The following ANKRD55 variants were observed in gnomAD, a reference collection of about 807,000 sequenced individuals.
ANKRD55 encodes the protein ankyrin repeat domain 55, also known as ankyrin repeat domain-containing protein 55.
In ANKRD55, 41 loss-of-function variants were observed where a neutral mutation model predicts 60.6. The ratio of observed to expected loss-of-function variants is 0.68; its 90% CI spans 0.53 to 0.88. The LOEUF (loss-of-function observed/expected upper bound fraction) is 0.88. Ranked by LOEUF, ANKRD55 falls within the 40% of genes least tolerant of loss-of-function variation. The pLI, the probability that ANKRD55 is intolerant of heterozygous loss-of-function variation, is 0.00. For missense variants in ANKRD55, 732 were observed against 767.6 expected (o/e 0.95, Z 0.55); for synonymous variants, 264 against 290.3 (o/e 0.91, Z 0.92).
At chr5:56,196,093 G>A (rs182239827) in intron 2 of ANKRD55, among the ~76,000 whole-genome samples, 154 of 152,166 alleles carry the variant, frequency 1.0e-3, no homozygotes, top group African/African-American at 3.6e-3. Flanking sequence ...GACTTGCTTG[G>A]GTTTAAATTC....
intron 6 of ANKRD55, among the ~76,000 whole-genome samples, chr5:56,153,757 A>G (rs1169465349): frequency 6.6e-6 from 1 of 150,968 alleles, no homozygotes; most frequent in African/African-American, 2.4e-5. Context: ...GAATGGTGTG[A>G]ACCCGGGAGG....
At chr5:56,201,394 G>T (rs927285217) in intron 2 of ANKRD55, among the ~76,000 whole-genome samples, 10 of 152,188 alleles carry the variant, frequency 6.6e-5, no homozygotes, top group Admixed American at 1.3e-4. Flanking sequence ...ACAAGTTAAA[G>T]GTCATTGATA....
intron 10 of ANKRD55, among the ~76,000 whole-genome samples, chr5:56,109,810 A>G (rs1453437473): frequency 1.5e-4 from 23 of 152,298 alleles, no homozygotes; most frequent in Non-Finnish European, 4.4e-5. Flanking sequence ...TCACGAGGTC[A>G]GATCGAGACC....
At chr5:56,153,358 A>C (rs1381003153) in intron 6 of ANKRD55, among the ~76,000 whole-genome samples, 1 of 152,184 alleles carries the variant, frequency 6.6e-6, no homozygotes, top group Non-Finnish European at 1.5e-5. Context: ...ACTCTCTACT[A>C]CCCAGCAATT....
At chr5:56,142,859 A>G (rs2111758287) in intron 7 of ANKRD55, among the ~76,000 whole-genome samples, 1 of 152,338 alleles carries the variant, frequency 6.6e-6, no homozygotes, top group Middle Eastern at 3.4e-3. Context: ...CTCACTGCAT[A>G]GCTTTGCAGA....
intron 9 of ANKRD55, 89 bp downstream of exon 9, chr5:56,116,526 G>T: frequency 9.1e-7 from 1 of 1,099,402 alleles, no homozygotes; most frequent in Non-Finnish European, 1.2e-6. Context: ...TATTATTATT[G>T]GTTTGCACCT....
At chr5:56,125,915 C>A (rs1580958853) in intron 8 of ANKRD55, 1 of 152,070 alleles carries the variant, frequency 6.6e-6, no homozygotes, top group Admixed American at 6.6e-5. Context: ...GGGCGGGTCA[C>A]CTGAGGCCAG....
chr5:56,225,077 A>G (rs1760072678), intron 2 of ANKRD55, among the ~76,000 whole-genome samples: 1 of 152,232 alleles, frequency 6.6e-6, no homozygotes, highest in African/African-American at 2.4e-5. Context: ...TGATGCAAAA[A>G]TCCTCAATAA....
intron 2 of ANKRD55, among the ~76,000 whole-genome samples, chr5:56,224,053 C>A (rs572551499): frequency 2.0e-5 from 3 of 152,118 alleles, no homozygotes; most frequent in South Asian, 4.1e-4. Context: ...AGCACCACAC[C>A]GCACTTATTC....
At chr5:56,177,494 A>G (rs6450371) in intron 3 of ANKRD55, among the ~76,000 whole-genome samples, 27,576 of 152,120 alleles carry the variant, frequency 0.18, 4,815 homozygotes, top group African/African-American at 0.45. Context: ...ATCCCTAGAT[A>G]GGCCGGGTGT....
At chr5:56,126,197 A>G (rs1757249965) in intron 8 of ANKRD55, among the ~76,000 whole-genome samples, 1 of 152,192 alleles carries the variant, frequency 6.6e-6, no homozygotes, top group Non-Finnish European at 1.5e-5. Context: ...CTAATTTTGC[A>G]CTTCAATACA....
chr5:56,121,685 T>G (rs964974398), intron 8 of ANKRD55, among the ~76,000 whole-genome samples: 4 of 152,194 alleles, frequency 2.6e-5, no homozygotes, highest in Non-Finnish European at 4.4e-5. Flanking sequence ...TTCCACCACT[T>G]TTTAAAAAAG....
At chr5:56,219,171 G>C (rs1166452931) in intron 2 of ANKRD55, among the ~76,000 whole-genome samples, 1 of 151,330 alleles carries the variant, frequency 6.6e-6, no homozygotes, top group Admixed American at 6.6e-5. Flanking sequence ...TATGTGGGAG[G>C]CTGGGGCAGG....
intron 2 of ANKRD55, among the ~76,000 whole-genome samples, chr5:56,220,056 C>A (rs1759922392): frequency 6.6e-6 from 1 of 152,200 alleles, no homozygotes; most frequent in African/African-American, 2.4e-5. Flanking sequence ...GAGGGAGAGC[C>A]TCCTGAAGCT....
intron 3 of ANKRD55, among the ~76,000 whole-genome samples, chr5:56,181,893 C>T (rs910406055): frequency 2.6e-5 from 4 of 152,122 alleles, no homozygotes; most frequent in African/African-American, 9.7e-5. Flanking sequence ...CCGTGTCCGG[C>T]CTATTTCTGT....
chr5:56,135,963 C>T (rs951580181), intron 7 of ANKRD55, among the ~76,000 whole-genome samples: 9 of 151,926 alleles, frequency 5.9e-5, no homozygotes, highest in Non-Finnish European at 1.2e-4. Context: ...TACATTAGCA[C>T]CCCCCAAAAT....
intron 2 of ANKRD55, among the ~76,000 whole-genome samples, chr5:56,206,897 G>A (rs1490821522): frequency 6.6e-6 from 1 of 152,216 alleles, no homozygotes; most frequent in African/African-American, 2.4e-5. Flanking sequence ...GACAGTGGCA[G>A]GTAGTGTCTG....
intron 3 of ANKRD55, among the ~76,000 whole-genome samples, chr5:56,177,918 C>T (rs1010080575): frequency 3.9e-5 from 6 of 152,164 alleles, no homozygotes; most frequent in Non-Finnish European, 8.8e-5. Flanking sequence ...CCTTCCTGAC[C>T]CTCCATTGTG....
chr5:56,131,058 A>G (rs1465258942), intron 7 of ANKRD55, among the ~76,000 whole-genome samples: 1 of 152,232 alleles, frequency 6.6e-6, no homozygotes, highest in Non-Finnish European at 1.5e-5. Flanking sequence ...AAGGAACAGG[A>G]TAAATATTTG....
Sources: gnomAD v4.1 joint callset for allele counts (sites outside exome capture counted in the v4.1 genomes callset) on GRCh38, gnomAD v4.1.1 for gene constraint, MANE v1.5 for transcripts, NCBI Gene and HGNC (gene_info 2026-07-23, HGNC 2026-07-21) for gene names.